Variants in TAB2 observed in about 807,000 individuals in gnomAD.
TAB2 encodes the protein TGF-beta-activated kinase 1 and MAP3K7-binding protein 2.
Under a neutral mutation model 65.0 loss-of-function variants are expected in TAB2, and 3 were observed. That is an observed-to-expected ratio of 0.05 (90% CI 0.02 to 0.12). TAB2 has a LOEUF of 0.12. Ranked by LOEUF, TAB2 falls within the 10% of genes least tolerant of loss-of-function variation. The pLI is 1.00. For synonymous variants in TAB2, 298 were observed against 285.1 expected (o/e 1.05, Z -0.46); for missense variants, 623 against 840.3 (o/e 0.74, Z 3.20).
intron 1 of TAB2, among the ~76,000 whole-genome samples, chr6:149,278,712 C>T (rs1393013808): frequency 1.3e-5 from 2 of 150,646 alleles, no homozygotes; most frequent in African/African-American, 4.9e-5. Flanking sequence ...CTTATCTTAA[C>T]AGAAAGAAGA....
At chr6:149,306,096 A>G (rs1169367070) in intron 1 of TAB2, among the ~76,000 whole-genome samples, 2 of 152,178 alleles carry the variant, frequency 1.3e-5, no homozygotes, top group South Asian at 4.1e-4. Context: ...AATTTGGACT[A>G]AACAGTCTTG....
intron 1 of TAB2, among the ~76,000 whole-genome samples, chr6:149,361,401 G>A (rs750832055): frequency 2.0e-5 from 3 of 152,202 alleles, no homozygotes; most frequent in East Asian, 1.9e-4. Flanking sequence ...GCAGCAGCCC[G>A]AGTTGTTCTT....
intron 1 of TAB2, chr6:149,243,439 GGA>G (rs1777639739): frequency 6.6e-6 from 1 of 152,184 alleles, no homozygotes; most frequent in Admixed American, 6.5e-5. Flanking sequence ...GAATGTTGAA[GGA>G]GACATCATGG....
intron 1 of TAB2, among the ~76,000 whole-genome samples, chr6:149,290,932 G>A (rs560245981): frequency 2.1e-4 from 32 of 152,306 alleles, no homozygotes; most frequent in Non-Finnish European, 3.4e-4. Flanking sequence ...AATTATTTCA[G>A]TTTCTTCACC....
chr6:149,402,008 AAAAG>A (rs773747162), intron 6 of TAB2, among the ~76,000 whole-genome samples: 76 of 147,160 alleles, frequency 5.2e-4, no homozygotes, highest in Middle Eastern at 6.8e-3. Context: ...TAAAAAAAAA[AAAAG>A]AAAGATCTCA....
rs190044472 is a variant in TAB2 at position 149,305,110 on chromosome 6, G to C, written c.-120-72908G>C. On this transcript the variant is annotated intron_variant, in intron 1 of 1. Coordinates refer to the TAB2 transcript ENST00000606202. ...TATTATATATTTTCCATCTACAATT[G>C]GTTGGATCTGTGGATGTGGAACCCA... Among the ~76,000 whole-genome samples, 726 of 152,160 alleles carry C rather than the reference G, an allele frequency of 4.8e-3. 4 individuals carry two copies. Among genetic ancestry groups the C allele is most frequent in the Middle Eastern group, 0.027 (8 of 294 alleles).
chr6:149,219,149 C>T (rs1777086978), intron 1 of TAB2, among the ~76,000 whole-genome samples: 2 of 152,182 alleles, frequency 1.3e-5, no homozygotes, highest in Non-Finnish European at 2.9e-5. Context: ...AAAGGACATA[C>T]AGAACACTTC....
At chr6:149,375,085 G>A (rs1781357466) in intron 2 of TAB2, among the ~76,000 whole-genome samples, 2 of 152,170 alleles carry the variant, frequency 1.3e-5, no homozygotes, top group Admixed American at 1.3e-4. Context: ...TCATGGCATT[G>A]TGGTTATGTT....
At chr6:149,403,258 A>G (rs1462708681) in intron 6 of TAB2, among the ~76,000 whole-genome samples, 1 of 40,568 alleles carries the variant, frequency 2.5e-5, no homozygotes, top group Non-Finnish European at 4.1e-5. Context: ...ATATATATAT[A>G]TATATATATA....
At chr6:149,358,329 TG>T (rs150314459) in intron 1 of TAB2, among the ~76,000 whole-genome samples, 6,215 of 152,288 alleles carry the variant, frequency 0.041, 440 homozygotes, top group African/African-American at 0.14. Flanking sequence ...TACATTATTC[TG>T]CACATGAAGC....
intron 1 of TAB2, among the ~76,000 whole-genome samples, chr6:149,362,286 A>G (rs1239312330): frequency 6.6e-6 from 1 of 152,248 alleles, no homozygotes; most frequent in East Asian, 1.9e-4. Flanking sequence ...CAGGCTGTAC[A>G]GGAAGCATGG....
At chr6:149,318,581 C>G (rs978666866) in intron 1 of TAB2, 7 of 152,256 alleles carry the variant, frequency 4.6e-5, no homozygotes, top group Admixed American at 4.6e-4. Context: ...GGGGCAAGCC[C>G]TACTATGAAT....
chr6:149,363,766 C>T (rs570838309), intron 1 of TAB2, among the ~76,000 whole-genome samples: 2 of 152,288 alleles, frequency 1.3e-5, no homozygotes, highest in South Asian at 4.1e-4. Context: ...ACATTTTTCT[C>T]TGCAGGTCAG....
chr6:149,409,535 T>A (rs751279621), intron 6 of TAB2, 42 bp from the exon 7 acceptor site: 1 of 1,580,844 alleles, frequency 6.3e-7, no homozygotes, highest in Non-Finnish European at 8.7e-7. Context: ...TTTTAGACTT[T>A]GTGATTTTTT....
At chr6:149,264,826 G>A (rs1015212872) in intron 1 of TAB2, among the ~76,000 whole-genome samples, 2 of 152,228 alleles carry the variant, frequency 1.3e-5, no homozygotes, top group African/African-American at 4.8e-5. Flanking sequence ...AAAGATCAAA[G>A]GGAGCAGATG....
chr6:149,379,587 C>A, intron 3 of TAB2, 69 bp downstream of exon 3: 4 of 1,435,286 alleles, frequency 2.8e-6, no homozygotes, highest in Non-Finnish European at 3.9e-6. Flanking sequence ...GATTTCACAA[C>A]AGAAATGGAT....
chr6:149,309,622 C>T (rs113326324), intron 1 of TAB2, among the ~76,000 whole-genome samples: 9,475 of 151,962 alleles, frequency 0.062, 940 homozygotes, highest in African/African-American at 0.21. Flanking sequence ...TGGTCTGGAT[C>T]TCCTGACCTC....
chr6:149,351,762 C>T (rs1294217384), intron 1 of TAB2, among the ~76,000 whole-genome samples: 1 of 152,152 alleles, frequency 6.6e-6, no homozygotes, highest in Non-Finnish European at 1.5e-5. Context: ...TATACTTAGC[C>T]AGCTATCACT....
chr6:149,244,229 C>T (rs1455873238), intron 1 of TAB2: 1 of 152,250 alleles, frequency 6.6e-6, no homozygotes, highest in Non-Finnish European at 1.5e-5. Context: ...ATCCTTCTAT[C>T]CTTCCTTCCA....
Sources: allele counts gnomAD v4.1 joint callset (sites outside exome capture counted in the v4.1 genomes callset), GRCh38; gene constraint gnomAD v4.1.1; transcripts MANE v1.5; gene names NCBI Gene and HGNC (gene_info 2026-07-23, HGNC 2026-07-21).